The following NLGN1 variants were observed in gnomAD, a reference collection of about 807,000 sequenced individuals.
NLGN1 encodes the protein neuroligin 1.
A neutral mutation model predicts 65.5 loss-of-function variants in NLGN1; 12 were observed. The observed-to-expected ratio is 0.18, with a 90% CI of 0.12 to 0.30. NLGN1 has a LOEUF of 0.30. Among genes scored for constraint, NLGN1 ranks in the 10% least tolerant of loss-of-function variants. The probability of loss-of-function intolerance (pLI) is 1.00; values close to 1 mark genes in which losing one functional copy is unlikely to be tolerated. For missense variants in NLGN1, 750 were observed against 1,007.1 expected, an observed-to-expected ratio of 0.74 and a Z score of 3.46; for synonymous variants, 350 against 359.5, an observed-to-expected ratio of 0.97 and a Z score of 0.30.
At chr3:174,151,436 G>T (rs1033260638) in intron 4 of NLGN1, among the ~76,000 whole-genome samples, 2 of 152,062 alleles carry the variant, frequency 1.3e-5, no homozygotes, top group African/African-American at 4.8e-5. Context: ...TTATGTGCAT[G>T]ATGTTTAAAA....
rs58100019 is a variant in NLGN1, at chr3:173,892,575, TA to T, written c.646+84759del. Among the ~76,000 whole-genome samples the T allele has an allele frequency of 5.0e-3, 656 of 130,898 alleles. 2 individuals carry two copies. Among genetic ancestry groups the T allele is most frequent in the South Asian group, 0.028 (116 of 4,150 alleles). The allele number at this position is 130,898 out of a possible 152,430, so 85.9% of individuals were successfully genotyped here. A position where few individuals can be genotyped will look rare whatever the true frequency, so the allele number is the denominator to read the frequency against. Reference sequence around the variant, plus strand: ...TCAGAACCAGGAAAAGAAGGCAAACTAAAAAAAAAAAAAAAATGACAGTTAA... The same window carrying T: ...TCAGAACCAGGAAAAGAAGGCAAACTAAAAAAAAAAAAAAATGACAGTTAA... On this transcript the variant is annotated intron_variant, in intron 4 of 6. Transcript: ENST00000457714.
chr3:173,858,537 T>G (rs1728459911), intron 4 of NLGN1, among the ~76,000 whole-genome samples: 1 of 152,116 alleles, frequency 6.6e-6, no homozygotes, highest in Non-Finnish European at 1.5e-5. Context: ...TTCCAATTTC[T>G]GAATTCTCTT....
intron 2 of NLGN1, among the ~76,000 whole-genome samples, chr3:173,454,258 T>G (rs1354773227): frequency 6.6e-6 from 1 of 152,230 alleles, no homozygotes; most frequent in Non-Finnish European, 1.5e-5. Context: ...GCAAGTAGAT[T>G]TAGCATAATT....
intron 4 of NLGN1, among the ~76,000 whole-genome samples, chr3:174,161,833 A>G (rs1577159674): frequency 6.6e-6 from 1 of 151,984 alleles, no homozygotes; most frequent in East Asian, 1.9e-4. Flanking sequence ...AACTTTCTCA[A>G]GTTTTAAGAC....
chr3:174,254,306 ATTTTTTTTTT>A (rs371427726), intron 4 of NLGN1, among the ~76,000 whole-genome samples: 142 of 113,770 alleles, frequency 1.2e-3, no homozygotes, highest in East Asian at 8.3e-3. Flanking sequence ...GTCCTTTTTA[ATTTTTTTTTT>A]TTTTTTTTTT....
At chr3:173,468,603 A>C (rs1196252888) in intron 2 of NLGN1, among the ~76,000 whole-genome samples, 1 of 152,078 alleles carries the variant, frequency 6.6e-6, no homozygotes, top group African/African-American at 2.4e-5. Flanking sequence ...CATTATCCTC[A>C]TATGATGAAT....
Position 174,209,828 on chromosome 3 carries a change from G to A in NLGN1, c.647-65487G>A, listed in dbSNP as rs762474574. Among the ~76,000 whole-genome samples, 68 of 151,500 alleles carry A rather than the reference G, an allele frequency of 4.5e-4. No homozygotes were observed. The Middle Eastern group carries it at 0.017, about 38-fold the overall frequency. On this transcript the variant is annotated intron_variant, in intron 4 of 6. Coordinates refer to ENST00000457714, the Ensembl canonical transcript of NLGN1. Reference sequence around the variant, plus strand: ...TTGTATTTGTGGTAGGGACGGGGTTGCGCCATGTTGGCCAGGCTGGTCTCG... The same window carrying A: ...TTGTATTTGTGGTAGGGACGGGGTTACGCCATGTTGGCCAGGCTGGTCTCG...
intron 4 of NLGN1, among the ~76,000 whole-genome samples, chr3:174,114,669 T>A (rs902555016): frequency 6.6e-6 from 1 of 152,178 alleles, no homozygotes; most frequent in African/African-American, 2.4e-5. Context: ...CTTCTAGTGA[T>A]GTTTGTCATA....
intron 4 of NLGN1, among the ~76,000 whole-genome samples, chr3:174,147,122 A>C (rs1723423675): frequency 6.6e-6 from 1 of 152,148 alleles, no homozygotes; most frequent in Non-Finnish European, 1.5e-5. Flanking sequence ...CCCCAGTTAT[A>C]GAAAAAGCAT....
intron 3 of NLGN1, among the ~76,000 whole-genome samples, chr3:173,621,786 G>A (rs1228512731): frequency 6.6e-6 from 1 of 152,050 alleles, no homozygotes; most frequent in Non-Finnish European, 1.5e-5. Flanking sequence ...GAAATGAAAT[G>A]GTTGGGAGGA....
intron 4 of NLGN1, among the ~76,000 whole-genome samples, chr3:174,253,716 G>A (rs1745170665): frequency 6.6e-6 from 1 of 152,148 alleles, no homozygotes; most frequent in Admixed American, 6.5e-5. Context: ...GGGAGATTCA[G>A]ATCACTGCCT....
intron 4 of NLGN1, among the ~76,000 whole-genome samples, chr3:174,182,001 A>C (rs1730531113): frequency 1.3e-5 from 2 of 150,148 alleles, no homozygotes; most frequent in Admixed American, 6.6e-5. Flanking sequence ...AAAAAAAAAA[A>C]GAATGTCTCC....
chr3:174,132,653 A>T (rs1020678644), intron 4 of NLGN1, among the ~76,000 whole-genome samples: 1 of 152,180 alleles, frequency 6.6e-6, no homozygotes, highest in African/African-American at 2.4e-5. Context: ...AGAGTGTTCA[A>T]GGTAGACTCA....
chr3:174,116,521 A>T (rs1293694126), intron 4 of NLGN1, among the ~76,000 whole-genome samples: 1 of 151,392 alleles, frequency 6.6e-6, no homozygotes, highest in Non-Finnish European at 1.5e-5. Context: ...TATTTTTTGT[A>T]GAGACAGGAT....
chr3:173,421,329 C>CA (rs1461533542), intron 1 of NLGN1, among the ~76,000 whole-genome samples: 2 of 151,818 alleles, frequency 1.3e-5, no homozygotes, highest in African/African-American at 2.4e-5. Context: ...ATCTTTCCTT[C>CA]AAATACGTTA....
At chr3:174,238,110 A>C (rs1023433890) in intron 4 of NLGN1, among the ~76,000 whole-genome samples, 2 of 151,860 alleles carry the variant, frequency 1.3e-5, no homozygotes, top group African/African-American at 4.8e-5. Flanking sequence ...GAATAAGGAC[A>C]GTTCTTTTCA....
At chr3:173,607,310 C>A (rs1413942843) in intron 3 of NLGN1, among the ~76,000 whole-genome samples, 1 of 151,824 alleles carries the variant, frequency 6.6e-6, no homozygotes, top group African/African-American at 2.4e-5. Flanking sequence ...TCTATCAATG[C>A]CCACTTGAGC....
At chr3:174,275,476 C>A in exon 5 of NLGN1, 1 of 1,612,410 alleles carries the variant, frequency 6.2e-7, no homozygotes, top group South Asian at 1.1e-5. Flanking sequence ...TGTCAACCTG[C>A]TGACTTTATC....
At chr3:173,437,513 G>C (rs1191360450) in intron 2 of NLGN1, among the ~76,000 whole-genome samples, 1 of 152,288 alleles carries the variant, frequency 6.6e-6, no homozygotes, top group East Asian at 1.9e-4. Context: ...GCTTTTGAAC[G>C]TTGATGGATA....
Sources: allele counts gnomAD v4.1 joint callset (sites outside exome capture counted in the v4.1 genomes callset), GRCh38; gene constraint gnomAD v4.1.1; transcripts MANE v1.5; gene names NCBI Gene and HGNC (gene_info 2026-07-23, HGNC 2026-07-21).